The following ANLN variants were observed in gnomAD, a reference collection of about 807,000 sequenced individuals.
ANLN encodes anillin, actin binding protein.
Under a neutral mutation model 135.1 loss-of-function variants are expected in ANLN, and 59 were observed. That is an observed-to-expected ratio of 0.44 (90% CI 0.35 to 0.54). The LOEUF is 0.54. ANLN is among the 20% of genes least tolerant of loss of function. The probability of loss-of-function intolerance (pLI) is 0.00; values close to 1 mark genes in which losing one functional copy is unlikely to be tolerated. For missense variants in ANLN, 1,182 were observed against 1,340.0 expected, an observed-to-expected ratio of 0.88 and a Z score of 1.84; for synonymous variants, 406 against 456.4, an observed-to-expected ratio of 0.89 and a Z score of 1.41.
At position 36,425,737 on chromosome 7, in the gene ANLN, C is replaced by T. The variant is rs1788055086; in HGVS notation, c.2745C>T (p.Thr915=). The change falls in exon 18 of 24, where the codon ACC becomes ACT. Residue 915 remains threonine (T), a synonymous_variant. Transcript: ENST00000265748. ...ITPKRLLTSI[T]TKSNIHSSVM... is the part of the protein sequence containing the mutation. ...CAAAGCGACTCCTCACATCTATAACCACAGTAAGTAGAATTTTTGAGAAAT... is the reference window on the plus strand; with the variant it reads ...CAAAGCGACTCCTCACATCTATAACTACAGTAAGTAGAATTTTTGAGAAAT... 1.2e-6 allele frequency: 2 copies of T among 1,611,432 alleles called. No homozygotes were observed. The highest frequency in any genetic ancestry group is 1.7e-6 in the Non-Finnish European group (2 of 1,178,214).
rs2286961 is a variant in ANLN, at chr7:36,443,604, T to C, written c.2971-151T>C. On this transcript the variant is annotated intron_variant, in intron 21 of 23. Coordinates refer to ENST00000265748, the MANE Select transcript of ANLN (RefSeq NM_018685.5). Reference sequence around the variant, plus strand: ...TATGAATAATCAGTGATTTTTATTATTAAGATAAAAGACATGATAAAAAAA... The same window carrying C: ...TATGAATAATCAGTGATTTTTATTACTAAGATAAAAGACATGATAAAAAAA... 0.25 allele frequency: 138,752 copies of C among 563,930 alleles called. 17,959 individuals are homozygous for C. Among genetic ancestry groups the C allele is most frequent in the East Asian group, 0.41 (13,486 of 33,284 alleles). The allele number at this position is 563,930 out of a possible 1,614,324, so 34.9% of individuals were successfully genotyped here. A position where few individuals can be genotyped will look rare whatever the true frequency, so the allele number is the denominator to read the frequency against.
chr7:36,447,018 G>A (rs1418946191), intron 22 of ANLN, among the ~76,000 whole-genome samples: 1 of 152,194 alleles, frequency 6.6e-6, no homozygotes, highest in East Asian at 1.9e-4. Flanking sequence ...GTGAATGCAT[G>A]AAACCATAGA....
At chr7:36,405,569 G>A (rs1213795845) in intron 3 of ANLN, among the ~76,000 whole-genome samples, 5 of 152,144 alleles carry the variant, frequency 3.3e-5, no homozygotes, top group Admixed American at 2.6e-4. Flanking sequence ...TAGAATCTTC[G>A]TCAGTTAAAT....
intron 3 of ANLN, among the ~76,000 whole-genome samples, chr7:36,405,276 A>G (rs1046583283): frequency 6.6e-6 from 1 of 152,210 alleles, no homozygotes; most frequent in African/African-American, 2.4e-5. Flanking sequence ...GCTCTGTGAT[A>G]TACAGATGTA....
chr7:36,412,760 C>T (rs750913742), intron 7 of ANLN, among the ~76,000 whole-genome samples: 1 of 152,166 alleles, frequency 6.6e-6, no homozygotes, highest in Non-Finnish European at 1.5e-5. Flanking sequence ...CACCTGGCTC[C>T]TCCCCACTGC....
chr7:36,393,512 T>C (rs1786568287), intron 1 of ANLN, among the ~76,000 whole-genome samples: 1 of 152,218 alleles, frequency 6.6e-6, no homozygotes, highest in Non-Finnish European at 1.5e-5. Context: ...CTATGAGTAT[T>C]TACAAAGGGG....
At chr7:36,440,294 A>G (rs750437746) in intron 21 of ANLN, among the ~76,000 whole-genome samples, 4 of 152,200 alleles carry the variant, frequency 2.6e-5, no homozygotes, top group African/African-American at 4.8e-5. Context: ...AGAAACGGAG[A>G]ATCTAGCATC....
intron 20 of ANLN, among the ~76,000 whole-genome samples, chr7:36,433,789 G>A (rs183321219): frequency 1.3e-5 from 2 of 151,668 alleles, no homozygotes; most frequent in Admixed American, 1.3e-4. Context: ...TTTTTTTCTT[G>A]ATGTGATCTA....
At position 36,406,233 on chromosome 7, in the gene ANLN, T is replaced by A. The variant is rs1339065742; in HGVS notation, c.540T>A (p.Ala180=). The A allele has an allele frequency of 1.9e-6, 3 of 1,613,272 alleles. No homozygotes were observed. Among genetic ancestry groups the A allele is most frequent in the Non-Finnish European group, 2.5e-6 (3 of 1,179,300 alleles). The change falls in exon 4 of 24, where the codon GCT becomes GCA. Residue 180 remains alanine (A), a synonymous_variant. Coordinates refer to ENST00000265748, the MANE Select transcript of ANLN (RefSeq NM_018685.5). ...LFSPMPSEEK[A]ASPPRPLLSN... ...CACCAATGCCATCAGAGGAAAAGGC[T>A]GCTTCCCCTCCCAGACCTCTGCTTT... is the stretch of plus-strand genomic sequence containing the variant.
rs373442072 is a variant in ANLN at position 36,412,129 on chromosome 7, G to C, written c.1395+963G>C. On this transcript the variant is annotated intron_variant, in intron 7 of 23. Coordinates refer to ENST00000265748, the MANE Select transcript of ANLN (RefSeq NM_018685.5). ...GTGTCTTCCCTTCTGCTTGCCCCTA[G>C]CACACATATGCATAAACACACACGT... Among the ~76,000 whole-genome samples the C allele has an allele frequency of 3.1e-4, 47 of 151,216 alleles. No homozygotes were observed. In the East Asian group the frequency reaches 6.6e-3, roughly 21 times the overall value.
At chr7:36,440,829 T>C (rs914155070) in intron 21 of ANLN, among the ~76,000 whole-genome samples, 13 of 152,292 alleles carry the variant, frequency 8.5e-5, no homozygotes, top group African/African-American at 1.9e-4. Context: ...ATTGTGAGTA[T>C]GGTACAAGAA....
At chr7:36,443,629 A>C in intron 21 of ANLN, 126 bp from the exon 22 acceptor site, 4 of 592,368 alleles carry the variant, frequency 6.8e-6, no homozygotes, top group Non-Finnish European at 1.2e-5. Context: ...TGATAAAAAA[A>C]CATACAAATA....
chr7:36,420,783 T>A, intron 12 of ANLN, 39 bp downstream of exon 12: 1 of 1,607,020 alleles, frequency 6.2e-7, no homozygotes, highest in Middle Eastern at 1.7e-4. Context: ...GAATGTTTCT[T>A]GCACTAGGCT....
At chr7:36,449,624 A>G (rs1318922306) in intron 22 of ANLN, 41 bp from the exon 23 acceptor site, 2 of 1,491,730 alleles carry the variant, frequency 1.3e-6, no homozygotes, top group Non-Finnish European at 1.8e-6. Context: ...TGACTTAAAT[A>G]GTCTTATTTT....
intron 21 of ANLN, among the ~76,000 whole-genome samples, chr7:36,439,913 G>C (rs530006731): frequency 4.0e-4 from 61 of 152,312 alleles, no homozygotes; most frequent in African/African-American, 1.3e-3. Flanking sequence ...CTTTATCCTA[G>C]AGTCAGCGAG....
At chr7:36,425,819 T>G (rs1008196377) in intron 18 of ANLN, 79 bp downstream of exon 18, 1 of 1,444,114 alleles carries the variant, frequency 6.9e-7, no homozygotes, top group African/African-American at 1.4e-5. Context: ...GGTTAACCAT[T>G]TCTGAACCTT....
chr7:36,451,540 G>A (rs756173651), intron 23 of ANLN, among the ~76,000 whole-genome samples: 15 of 152,088 alleles, frequency 9.9e-5, no homozygotes, highest in Non-Finnish European at 1.8e-4. Context: ...TTAGCCTCTT[G>A]AACCAGAATA....
chr7:36,426,501 G>A (rs2116695250), intron 19 of ANLN, among the ~76,000 whole-genome samples: 1 of 152,192 alleles, frequency 6.6e-6, no homozygotes, highest in East Asian at 1.9e-4. Flanking sequence ...GAATTAGGAT[G>A]GAGCTGGTTT....
In ANLN at chr7:36,406,193, A is replaced by C; in HGVS notation, c.500A>C (p.Glu167Ala). Residue 167 changes from glutamate to alanine, a missense_variant, in exon 4 of 24, where the codon GAA (glutamate) becomes GCA (alanine). Transcript: ENST00000265748. ...DNDDMTDDIP[E>A]SSLFSPMPSE... is the part of the protein sequence containing the mutation. ...AAAACATTTTCAGATGACATTCCTG[A>C]AAGCTCACTCTTCTCACCAATGCCA... is the stretch of plus-strand genomic sequence containing the variant. 1.9e-6 allele frequency: 3 copies of C among 1,589,938 alleles called. No individual in the cohort carries two copies. Among genetic ancestry groups the C allele is most frequent in the Non-Finnish European group, 2.6e-6 (3 of 1,164,294 alleles).
Sources: gnomAD v4.1 joint callset for allele counts (sites outside exome capture counted in the v4.1 genomes callset) on GRCh38, gnomAD v4.1.1 for gene constraint, MANE v1.5 for transcripts, NCBI Gene and HGNC (gene_info 2026-07-23, HGNC 2026-07-21) for gene names.